Variants in ABCC9 observed in about 807,000 individuals in gnomAD.
ABCC9 encodes the protein ATP binding cassette subfamily C member 9.
In ABCC9, 95 loss-of-function variants were observed where a neutral mutation model predicts 188.3. The ratio of observed to expected loss-of-function variants is 0.50; its 90% confidence interval spans 0.43 to 0.60. ABCC9 has a LOEUF of 0.60. Among genes scored for constraint, ABCC9 ranks in the 20% least tolerant of loss-of-function variants. ABCC9 has a pLI of 0.00. For synonymous variants in ABCC9, 659 were observed against 652.7 expected, an observed-to-expected ratio of 1.01 and a Z score of -0.15; for missense variants, 1,102 against 1,876.3, an observed-to-expected ratio of 0.59 and a Z score of 7.62.
At chr12:21,933,406 A>C (rs184112226) in intron 4 of ABCC9, among the ~76,000 whole-genome samples, 14 of 152,206 alleles carry the variant, frequency 9.2e-5, no homozygotes, top group African/African-American at 3.4e-4. Context: ...TTTTATTACA[A>C]ATCTTGATTT....
intron 17 of ABCC9, among the ~76,000 whole-genome samples, chr12:21,874,735 C>T (rs777054675): frequency 6.6e-6 from 1 of 152,118 alleles, no homozygotes; most frequent in Non-Finnish European, 1.5e-5. Flanking sequence ...TAGAGGACAT[C>T]ACAGAAGGAC....
At chr12:21,851,576 A>G (rs576072430) in intron 24 of ABCC9, among the ~76,000 whole-genome samples, 6 of 152,268 alleles carry the variant, frequency 3.9e-5, no homozygotes, top group African/African-American at 1.4e-4. Flanking sequence ...CAAATGTAAA[A>G]TTTTATTTTT....
chr12:21,859,408 A>G (rs1811612350), intron 22 of ABCC9, among the ~76,000 whole-genome samples, 178 bp downstream of exon 22: 1 of 152,164 alleles, frequency 6.6e-6, no homozygotes, highest in Admixed American at 6.6e-5. Context: ...CTCTCAAGAT[A>G]CGTTGCTCTT....
Position 21,894,043 on chromosome 12 carries a change from T to A in ABCC9, c.1791A>T (p.Lys597Asn). The A allele has an allele frequency of 6.2e-7, 1 of 1,614,038 alleles. No homozygotes were observed. The highest frequency in any genetic ancestry group is 8.5e-7 in the Non-Finnish European group (1 of 1,180,002). The change falls in exon 14 of 40, where the codon AAA (lysine) becomes AAT (asparagine). Residue 597 changes from lysine (K) to asparagine (N), a missense_variant. Physicochemically the swap from Lys to Asn is moderately conservative, Grantham distance 94. Transcript: ENST00000261200. Reference protein sequence around the residue: ...LLSTVVRFAVKAIISVQKLNE... With the variant: ...LLSTVVRFAVNAIISVQKLNE... ...ACTTCAGTGCATACCTTATGATGGC[T>A]TTGACTGCAAATCTGACCACCGTGG...
chr12:21,870,129 T>G (rs953057811), intron 18 of ABCC9, among the ~76,000 whole-genome samples: 1 of 152,190 alleles, frequency 6.6e-6, no homozygotes, highest in African/African-American at 2.4e-5. Context: ...AGTATTATAT[T>G]CTGAATTTTA....
intron 29 of ABCC9, among the ~76,000 whole-genome samples, chr12:21,838,870 C>G (rs928697577): frequency 1.3e-5 from 2 of 151,882 alleles, no homozygotes; most frequent in South Asian, 4.2e-4. Flanking sequence ...CTGTCTCTAC[C>G]AAAAAATTAG....
intron 31 of ABCC9, among the ~76,000 whole-genome samples, chr12:21,824,999 T>G (rs1943285289): frequency 6.6e-6 from 1 of 152,146 alleles, no homozygotes; most frequent in Non-Finnish European, 1.5e-5. Context: ...ATTCACTGAT[T>G]TTTTGAAGGG....
intron 5 of ABCC9, among the ~76,000 whole-genome samples, chr12:21,920,670 T>C (rs1948777974): frequency 6.6e-6 from 1 of 152,032 alleles, no homozygotes; most frequent in Non-Finnish European, 1.5e-5. Context: ...TCATTTTTCC[T>C]AATTTTTGTA....
intron 16 of ABCC9, among the ~76,000 whole-genome samples, chr12:21,877,640 C>T (rs1475602976): frequency 4.6e-5 from 7 of 151,996 alleles, no homozygotes; most frequent in Non-Finnish European, 7.4e-5. Flanking sequence ...TAAGAGAGAC[C>T]CTACATGACA....
chr12:21,905,012 A>T (rs1224267618), intron 12 of ABCC9, among the ~76,000 whole-genome samples: 8 of 152,222 alleles, frequency 5.3e-5, no homozygotes, highest in Non-Finnish European at 8.8e-5. Context: ...CACAATAGCA[A>T]AGACTTGGAC....
At chr12:21,908,703 G>A (rs1167972874) in intron 10 of ABCC9, among the ~76,000 whole-genome samples, 1 of 151,924 alleles carries the variant, frequency 6.6e-6, no homozygotes, top group Admixed American at 6.6e-5. Context: ...GTGGACTAAA[G>A]GAATGAGCTG....
intron 31 of ABCC9, among the ~76,000 whole-genome samples, chr12:21,823,296 T>C (rs1466343630): frequency 6.6e-6 from 1 of 152,206 alleles, no homozygotes; most frequent in Non-Finnish European, 1.5e-5. Context: ...TCTATCTATA[T>C]TTGGAATTAT....
In ABCC9 at chr12:21,799,733, CA is replaced by C. The variant is rs1941342595; in HGVS notation, c.*1310del. ...TTAATTCATCAATTTTATATATCTT[CA>C]CAATCTTACAATGCATGTGGATCTT... On this transcript the variant is annotated 3_prime_UTR_variant, in exon 40 of 40. Coordinates refer to ENST00000261200, the MANE Select transcript of ABCC9 (RefSeq NM_020297.4). 1 of 152,150 alleles carries C rather than the reference CA, an allele frequency of 6.6e-6. No individual in the cohort carries two copies. The highest frequency in any genetic ancestry group is 1.5e-5 in the Non-Finnish European group (1 of 68,028). 9.4% of individuals were successfully genotyped at this position (152,150 alleles called of 1,614,324 possible). A position where few individuals can be genotyped will look rare whatever the true frequency, so the allele number is the denominator to read the frequency against.
intron 8 of ABCC9, among the ~76,000 whole-genome samples, chr12:21,912,545 C>A (rs1948370087): frequency 6.6e-6 from 1 of 151,974 alleles, no homozygotes; most frequent in South Asian, 2.1e-4. Context: ...TATAAAAATT[C>A]TTTAAAGAGT....
chr12:21,847,390 T>C (rs1944730035), intron 25 of ABCC9, among the ~76,000 whole-genome samples: 1 of 152,230 alleles, frequency 6.6e-6, no homozygotes. Context: ...GCTCAATGAA[T>C]ATTTGTTGAA....
At chr12:21,907,638 G>A (rs564694444) in intron 11 of ABCC9, among the ~76,000 whole-genome samples, 2 of 152,094 alleles carry the variant, frequency 1.3e-5, no homozygotes, top group East Asian at 1.9e-4. Context: ...ACATGTCAAT[G>A]TGACTCCATA....
chr12:21,801,517 T>G (rs1256789693), intron 39 of ABCC9, among the ~76,000 whole-genome samples: 4 of 152,170 alleles, frequency 2.6e-5, no homozygotes, highest in Non-Finnish European at 5.9e-5. Context: ...TGTAAACCAG[T>G]TGGGTTATAC....
At chr12:21,869,540 T>G (rs1945956549) in intron 18 of ABCC9, 1 of 152,178 alleles carries the variant, frequency 6.6e-6, no homozygotes, top group South Asian at 2.1e-4. Flanking sequence ...GAACAAAATC[T>G]TAACTCCACA....
chr12:21,852,608 C>T, intron 22 of ABCC9, 103 bp from the exon 23 acceptor site: 2 of 1,323,044 alleles, frequency 1.5e-6, no homozygotes, highest in Non-Finnish European at 1.1e-6. Context: ...GCAAATCATC[C>T]CCCAAATCTA....
Sources: allele counts gnomAD v4.1 joint callset (sites outside exome capture counted in the v4.1 genomes callset), GRCh38; gene constraint gnomAD v4.1.1; transcripts MANE v1.5; gene names NCBI Gene and HGNC (gene_info 2026-07-23, HGNC 2026-07-21).